The following AGAP1 variants were observed in gnomAD, a reference collection of about 807,000 sequenced individuals.
AGAP1 encodes arf-GAP with GTPase, ANK repeat and PH domain-containing protein 1.
A neutral mutation model predicts 105.3 loss-of-function variants in AGAP1; 29 were observed. The observed-to-expected ratio is 0.28, with a 90% CI of 0.21 to 0.38. AGAP1 has a LOEUF of 0.38. Among genes scored for constraint, AGAP1 ranks in the 10% least tolerant of loss-of-function variants. The pLI is 1.00. For synonymous variants in AGAP1, 509 were observed against 485.9 expected (o/e 1.05, Z -0.63); for missense variants, 998 against 1,165.1 (o/e 0.86, Z 2.09).
chr2:235,679,932 A>G (rs566641204), intron 1 of AGAP1, among the ~76,000 whole-genome samples: 1 of 152,360 alleles, frequency 6.6e-6, no homozygotes, highest in African/African-American at 2.4e-5. Flanking sequence ...GGTTTCTAAT[A>G]TGATGCGAAT....
chr2:235,836,837 G>A (rs1311202067), intron 9 of AGAP1, among the ~76,000 whole-genome samples: 1 of 152,196 alleles, frequency 6.6e-6, no homozygotes, highest in Non-Finnish European at 1.5e-5. Context: ...AGCCACAGGG[G>A]CACAGACAGA....
intron 8 of AGAP1, among the ~76,000 whole-genome samples, chr2:235,804,893 GT>G (rs1380432741): frequency 6.6e-6 from 1 of 152,196 alleles, no homozygotes; most frequent in African/African-American, 2.4e-5. Context: ...GGGCTGCCTT[GT>G]GTCTGATGAT....
In AGAP1 at chr2:235,814,914, G is replaced by A. The variant is rs959107079; in HGVS notation, c.1050+7583G>A. Among the ~76,000 whole-genome samples, 23 of 152,116 alleles carry A rather than the reference G, an allele frequency of 1.5e-4. 1 individual carries two copies. The highest frequency in any genetic ancestry group is 5.3e-4 in the African/African-American group (22 of 41,412). On this transcript the variant is annotated intron_variant, in intron 9 of 17. Transcript: ENST00000304032. Reference sequence around the variant, plus strand: ...CCATATTATTTGTAGGAGCAGTGGTGTTGGGGGTTTAGAGACTCATGGCCG... The same window carrying A: ...CCATATTATTTGTAGGAGCAGTGGTATTGGGGGTTTAGAGACTCATGGCCG...
At chr2:235,588,556 T>C (rs773151220) in intron 1 of AGAP1, among the ~76,000 whole-genome samples, 30 of 152,030 alleles carry the variant, frequency 2.0e-4, no homozygotes, top group African/African-American at 5.8e-4. Flanking sequence ...TAAAAAAAAA[T>C]TGGGTTTTCA....
chr2:236,065,597 T>TCA (rs969276461), intron 16 of AGAP1, among the ~76,000 whole-genome samples: 32 of 152,320 alleles, frequency 2.1e-4, no homozygotes, highest in African/African-American at 7.7e-4. Context: ...GCTGCAGAGC[T>TCA]TAGAAAAAGG....
intron 1 of AGAP1, among the ~76,000 whole-genome samples, chr2:235,522,224 A>G (rs934419005): frequency 5.9e-5 from 9 of 152,132 alleles, no homozygotes; most frequent in Non-Finnish European, 1.3e-4. Context: ...TAGAAGCTGG[A>G]GCTGTGGACA....
intron 9 of AGAP1, among the ~76,000 whole-genome samples, chr2:235,807,700 C>T (rs751668364): frequency 6.6e-6 from 1 of 152,156 alleles, no homozygotes; most frequent in Non-Finnish European, 1.5e-5. Context: ...AGGAACAGCC[C>T]GACGTGGCCC....
rs917908631 is a variant in AGAP1, at chr2:235,754,273, C to T, written c.673+3785C>T. On this transcript the variant is annotated intron_variant, in intron 6 of 17. Coordinates refer to ENST00000304032, the MANE Select transcript of AGAP1 (RefSeq NM_001037131.3). The surrounding 1 kb of genome is among the most constrained non-coding windows in gnomAD (Gnocchi z 4.6). ...CCAGCCAGCAGGGCCCCTGCCTGCT[C>T]GCCGACTCAGTTTATTCACATTTCT... Among the ~76,000 whole-genome samples, 20 of 152,186 alleles carry T rather than the reference C, an allele frequency of 1.3e-4. No homozygotes were observed. The highest frequency in any genetic ancestry group is 2.5e-4 in the Non-Finnish European group (17 of 68,034).
At chr2:235,670,934 C>T (rs1948379101) in intron 1 of AGAP1, 2 of 1,322,566 alleles carry the variant, frequency 1.5e-6, no homozygotes, top group Non-Finnish European at 1.9e-6. Flanking sequence ...GGACGGGGGC[C>T]CGGGCGGCGG....
chr2:235,823,459 G>A (rs1005035172), intron 9 of AGAP1, among the ~76,000 whole-genome samples: 4 of 151,968 alleles, frequency 2.6e-5, no homozygotes, highest in African/African-American at 4.8e-5. Flanking sequence ...CCCTGTGCTC[G>A]CACCAGAATT....
chr2:235,673,197 G>C (rs547952037), intron 1 of AGAP1, among the ~76,000 whole-genome samples: 9 of 152,316 alleles, frequency 5.9e-5, no homozygotes, highest in African/African-American at 1.7e-4. Flanking sequence ...AAAAGGTGTA[G>C]CCCCCATAGG....
In AGAP1 at chr2:236,061,987, C is replaced by T. The variant is rs1001177538; in HGVS notation, c.2114+12706C>T. On this transcript the variant is annotated intron_variant, in intron 16 of 17. Coordinates refer to ENST00000304032, the MANE Select transcript of AGAP1 (RefSeq NM_001037131.3). This position sits in a 1 kb window ranked among gnomAD's most constrained non-coding sequence, Gnocchi z 4.1. Reference sequence around the variant, plus strand: ...GCGTACAGGAACGCATGCTGGGTGGCGGGGGCCTGGGTGCGGGCCGAGGGC... The same window carrying T: ...GCGTACAGGAACGCATGCTGGGTGGTGGGGGCCTGGGTGCGGGCCGAGGGC... Among the ~76,000 whole-genome samples, 5 of 151,930 alleles carry T rather than the reference C, an allele frequency of 3.3e-5. No homozygotes were observed. The highest frequency in any genetic ancestry group is 6.6e-5 in the Admixed American group (1 of 15,250).
In AGAP1 at chr2:235,930,875, G is replaced by A. The variant is rs375434383; in HGVS notation, c.1435G>A (p.Asp479Asn). 12 of 1,613,976 alleles carry A rather than the reference G, an allele frequency of 7.4e-6. No individual in the cohort carries two copies. The highest frequency in any genetic ancestry group is 1.6e-4 in the Middle Eastern group (1 of 6,084). Reference sequence around the variant, plus strand: ...GCGCTCCTACTCAGTCTCCAGTGCCGACCAGTGGAGTGAGGCTACGGTCAT... The same window carrying A: ...GCGCTCCTACTCAGTCTCCAGTGCCAACCAGTGGAGTGAGGCTACGGTCAT... ...HQRSYSVSSA[D>N]QWSEATVIAN... is the part of the protein sequence containing the mutation. The change falls in exon 12 of 18, where the codon GAC becomes AAC. Residue 479 changes from aspartate (D) to asparagine (N), a missense_variant. By Grantham distance (23) the Asp-to-Asn change is conservative. Coordinates refer to ENST00000304032, the MANE Select transcript of AGAP1 (RefSeq NM_001037131.3). This position sits in a 1 kb window ranked among gnomAD's most constrained non-coding sequence, Gnocchi z 7.9.
Position 235,964,399 on chromosome 2 carries a change from A to G in AGAP1, c.1484-4063A>G, listed in dbSNP as rs934642755. 2.6e-5 allele frequency among the ~76,000 whole-genome samples: 4 copies of G among 152,150 alleles called. No homozygotes were observed. Among genetic ancestry groups the G allele is most frequent in the East Asian group, 1.9e-4 (1 of 5,180 alleles). ...GAGGGCAAAGACAGTCACAGTGACC[A>G]TTGTTTCCCATGGCCTGGCACCATA... On this transcript the variant is annotated intron_variant, in intron 12 of 17. Transcript: ENST00000304032. This position sits in a 1 kb window ranked among gnomAD's most constrained non-coding sequence, Gnocchi z 4.6.
In AGAP1 at chr2:235,513,632, CT is replaced by C. The variant is rs550215773; in HGVS notation, c.163+18784del. ...GCCTGGGAACTTCATGACGAGCCCCCTGGCAAGGCTGCTGCTGCCATTTTGG... is the reference window on the plus strand; with the variant it reads ...GCCTGGGAACTTCATGACGAGCCCCCGGCAAGGCTGCTGCTGCCATTTTGG... On this transcript the variant is annotated intron_variant, in intron 1 of 17. Coordinates refer to ENST00000304032, the MANE Select transcript of AGAP1 (RefSeq NM_001037131.3). 2.5e-4 allele frequency among the ~76,000 whole-genome samples: 38 copies of C among 152,108 alleles called. 1 individual carries two copies. In the South Asian group the frequency reaches 7.3e-3, roughly 29 times the overall value.
At chr2:236,067,549 G>T (rs182593322) in intron 16 of AGAP1, among the ~76,000 whole-genome samples, 2 of 152,154 alleles carry the variant, frequency 1.3e-5, no homozygotes, top group Non-Finnish European at 2.9e-5. Flanking sequence ...TATTGAGCTA[G>T]CCCATTTGAG....
chr2:235,653,586 C>A (rs1947680666), intron 1 of AGAP1, among the ~76,000 whole-genome samples: 1 of 152,086 alleles, frequency 6.6e-6, no homozygotes, highest in East Asian at 1.9e-4. Context: ...ATCTCTTCTA[C>A]CTGAGTGGAT....
rs1188101451 is a variant in AGAP1, at chr2:235,729,475, C to T, written c.311-11488C>T. 6.6e-6 allele frequency among the ~76,000 whole-genome samples: 1 copy of T among 152,114 alleles called. No homozygotes were observed. The highest frequency in any genetic ancestry group is 2.4e-5 in the African/African-American group (1 of 41,374). ...GCTCAGCCTGAGAGCCAGTGACCCC[C>T]TCCCCCAGGAGGATGCTGTAGGGGC... On this transcript the variant is annotated intron_variant, in intron 3 of 17. Transcript: ENST00000304032. The surrounding 1 kb of genome is among the most constrained non-coding windows in gnomAD (Gnocchi z 5.0).
Position 235,872,844 on chromosome 2 carries a change from G to A in AGAP1, c.1051-10501G>A, listed in dbSNP as rs77839032. On this transcript the variant is annotated intron_variant, in intron 9 of 17. Transcript: ENST00000304032. The surrounding 1 kb of genome is among the most constrained non-coding windows in gnomAD (Gnocchi z 4.5). The stretch of plus-strand genomic sequence containing the variant: ...GTGTTCAGAGGGGCGTCCCATGGTC[G>A]AACTGGAACTTGCTTTGGGAAGAGT... Among the ~76,000 whole-genome samples the A allele has an allele frequency of 6.8e-3, 1,031 of 152,316 alleles. 15 individuals carry two copies. Among genetic ancestry groups the A allele is most frequent in the South Asian group, 0.063 (303 of 4,826 alleles).
Sources: allele counts gnomAD v4.1 joint callset (sites outside exome capture counted in the v4.1 genomes callset), GRCh38; gene constraint gnomAD v4.1.1; non-coding constraint Gnocchi (gnomAD v3.1); transcripts MANE v1.5; gene names NCBI Gene and HGNC (gene_info 2026-07-23, HGNC 2026-07-21).